The following RBM47 variants were observed in gnomAD, a reference collection of about 807,000 sequenced individuals.
The protein encoded by RBM47 is RNA-binding protein 47.
RBM47 carries 21 observed loss-of-function variants against 47.1 expected under a neutral mutation model. That is an observed-to-expected ratio of 0.45 (90% CI 0.32 to 0.64). RBM47 has a LOEUF of 0.64. RBM47 is among the 30% of genes least tolerant of loss of function. The pLI, the probability that RBM47 is intolerant of heterozygous loss-of-function variation, is 0.05. For missense variants in RBM47, 708 were observed against 870.9 expected (o/e 0.81, Z 2.35); for synonymous variants, 375 against 361.7 (o/e 1.04, Z -0.42).
intron 1 of RBM47, among the ~76,000 whole-genome samples, chr4:40,552,631 C>T (rs1729671298): frequency 6.6e-6 from 1 of 152,170 alleles, no homozygotes; most frequent in Admixed American, 6.5e-5. Context: ...CTTCTCAAAA[C>T]CCTCCAATGG....
At chr4:40,548,601 C>T (rs987291460) in intron 1 of RBM47, among the ~76,000 whole-genome samples, 5 of 152,132 alleles carry the variant, frequency 3.3e-5, no homozygotes, top group Admixed American at 3.3e-4. Flanking sequence ...GCTGCAGCCA[C>T]GGGTGACACT....
chr4:40,519,124 C>T (rs115590539), intron 2 of RBM47, among the ~76,000 whole-genome samples: 1,906 of 152,008 alleles, frequency 0.013, 16 homozygotes, highest in Middle Eastern at 0.037. Flanking sequence ...TTGCTTGGGC[C>T]GGGACTCCTC....
At chr4:40,432,493 TTC>T (rs1462438846) in intron 6 of RBM47, among the ~76,000 whole-genome samples, 156 bp downstream of exon 6, 11 of 152,182 alleles carry the variant, frequency 7.2e-5, no homozygotes. Context: ...AAATTTTTTT[TTC>T]TGTCATGCTT....
intron 2 of RBM47, among the ~76,000 whole-genome samples, chr4:40,488,146 A>AC (rs1721373778): frequency 2.0e-5 from 3 of 152,084 alleles, no homozygotes; most frequent in South Asian, 4.2e-4. Flanking sequence ...ACATGGTGAA[A>AC]CCCAGCCTCT....
chr4:40,549,216 C>T (rs978514678), intron 1 of RBM47, among the ~76,000 whole-genome samples: 2 of 151,934 alleles, frequency 1.3e-5, no homozygotes, highest in Non-Finnish European at 2.9e-5. Flanking sequence ...CTCAGCCTCC[C>T]GAATAGCTGG....
At chr4:40,590,099 T>G (rs574839060) in intron 1 of RBM47, among the ~76,000 whole-genome samples, 1 of 152,296 alleles carries the variant, frequency 6.6e-6, no homozygotes, top group East Asian at 1.9e-4. Context: ...CACTCCATTC[T>G]AGCTGAGAGT....
chr4:40,538,090 AG>A (rs1306771345), intron 2 of RBM47, among the ~76,000 whole-genome samples: 1 of 152,246 alleles, frequency 6.6e-6, no homozygotes, highest in African/African-American at 2.4e-5. Flanking sequence ...AAAGGACTTC[AG>A]GGTTACTTTT....
intron 1 of RBM47, among the ~76,000 whole-genome samples, chr4:40,564,998 G>A (rs923919386): frequency 2.6e-5 from 4 of 152,182 alleles, no homozygotes; most frequent in African/African-American, 4.8e-5. Flanking sequence ...GAATAGGTCC[G>A]GAAGTGAACG....
intron 1 of RBM47, among the ~76,000 whole-genome samples, chr4:40,585,075 T>C (rs1048652076): frequency 1.3e-5 from 2 of 152,222 alleles, no homozygotes; most frequent in Non-Finnish European, 2.9e-5. Flanking sequence ...ACTTTGCTTT[T>C]CTAACAGGTT....
Position 40,438,233 on chromosome 4 carries a change from G to A in RBM47, c.661C>T (p.Leu221=), listed in dbSNP as rs779318304. ...RRKLMPGRIQ[L]WGHQIAVDWA... ...TCCACGGCGATCTGGTGGCCCCACA[G>A]CTGGATGCGGCCAGGCATGAGCTTG... Residue 221 remains leucine, a synonymous_variant, in exon 4 of 7, where the codon CTG becomes TTG. Coordinates refer to ENST00000295971, the MANE Select transcript of RBM47 (RefSeq NM_001098634.2). 4.4e-6 allele frequency: 7 copies of A among 1,605,010 alleles called. No homozygotes were observed. Among genetic ancestry groups the A allele is most frequent in the South Asian group, 1.1e-5 (1 of 91,090 alleles).
At chr4:40,456,019 C>T (rs1222568073) in intron 3 of RBM47, among the ~76,000 whole-genome samples, 1 of 152,206 alleles carries the variant, frequency 6.6e-6, no homozygotes, top group Non-Finnish European at 1.5e-5. Flanking sequence ...TTACCTTCTA[C>T]ATTTATGTGA....
At chr4:40,581,610 T>C (rs34341038) in intron 1 of RBM47, among the ~76,000 whole-genome samples, 1 of 149,446 alleles carries the variant, frequency 6.7e-6, no homozygotes, top group Non-Finnish European at 1.5e-5. Context: ...TGTGAGTGGA[T>C]GAGAAGGTGG....
intron 2 of RBM47, among the ~76,000 whole-genome samples, chr4:40,493,999 A>T (rs1327152780): frequency 2.0e-5 from 3 of 152,222 alleles, no homozygotes; most frequent in African/African-American, 7.2e-5. Context: ...TTGATGTCTT[A>T]GGGTTAATAC....
chr4:40,499,886 CATA>C (rs1258418139), intron 2 of RBM47, among the ~76,000 whole-genome samples: 5 of 152,192 alleles, frequency 3.3e-5, no homozygotes, highest in Admixed American at 6.5e-5. Flanking sequence ...TTGCAAGATC[CATA>C]ATAATATAAT....
At chr4:40,437,361 G>A (rs1016590168) in intron 4 of RBM47, among the ~76,000 whole-genome samples, 2 of 151,272 alleles carry the variant, frequency 1.3e-5, no homozygotes, top group Non-Finnish European at 1.5e-5. Flanking sequence ...TCCAGGTTAT[G>A]CTGGGTGTCA....
chr4:40,605,819 G>C (rs1237141449), intron 1 of RBM47, among the ~76,000 whole-genome samples: 1 of 150,348 alleles, frequency 6.7e-6, no homozygotes, highest in Admixed American at 6.6e-5. Flanking sequence ...CAAGGGGAGC[G>C]AGACTCCATC....
At chr4:40,562,439 C>G (rs1292227716) in intron 1 of RBM47, among the ~76,000 whole-genome samples, 1 of 151,578 alleles carries the variant, frequency 6.6e-6, no homozygotes, top group Non-Finnish European at 1.5e-5. Flanking sequence ...ATTTTAGACC[C>G]CTTCTCCTCC....
chr4:40,625,826 C>T (rs1737689534), intron 1 of RBM47, among the ~76,000 whole-genome samples: 1 of 152,146 alleles, frequency 6.6e-6, no homozygotes, highest in East Asian at 1.9e-4. Context: ...ATAAATAAAG[C>T]ATACATTTTG....
At position 40,481,467 on chromosome 4, in the gene RBM47, TA is replaced by T. The variant is rs1487141842; in HGVS notation, c.-154-14769del. Among the ~76,000 whole-genome samples, 29 of 131,700 alleles carry T rather than the reference TA, an allele frequency of 2.2e-4. 1 individual carries two copies. Among genetic ancestry groups the T allele is most frequent in the South Asian group, 1.5e-3 (6 of 4,088 alleles). 86.4% of individuals were successfully genotyped at this position (131,700 alleles called of 152,430 possible). A position where few individuals can be genotyped will look rare whatever the true frequency, so the allele number is the denominator to read the frequency against. ...TTTGTATTATTATTATTATTATTAT[TA>T]TTATTATTATTATTATTATTTTTAT... is the stretch of plus-strand genomic sequence containing the variant. On this transcript the variant is annotated intron_variant, in intron 2 of 6. Transcript: ENST00000295971.
Sources: gnomAD v4.1 joint callset for allele counts (sites outside exome capture counted in the v4.1 genomes callset) on GRCh38, gnomAD v4.1.1 for gene constraint, MANE v1.5 for transcripts, NCBI Gene and HGNC (gene_info 2026-07-23, HGNC 2026-07-21) for gene names.